GFOD1: variants seen among roughly 807,000 people sequenced by gnomAD.
The protein encoded by GFOD1 is glucose-fructose oxidoreductase domain-containing protein 1.
In GFOD1, 9 loss-of-function variants were observed where a neutral mutation model predicts 25.4. The observed-to-expected ratio is 0.35, with a 90% CI of 0.21 to 0.62. The LOEUF (loss-of-function observed/expected upper bound fraction) is 0.62. Ranked by LOEUF, GFOD1 falls within the 20% of genes least tolerant of loss-of-function variation. The pLI is 0.72. For missense variants in GFOD1, 403 were observed against 556.9 expected (o/e 0.72, Z 2.78); for synonymous variants, 253 against 245.6 (o/e 1.03, Z -0.28).
At chr6:13,470,042 C>A in intron 1 of GFOD1, 1 of 1,374,048 alleles carries the variant, frequency 7.3e-7, no homozygotes, top group Non-Finnish European at 9.7e-7. Context: ...AGAATATTTC[C>A]TTACACATTG....
chr6:13,393,601 C>T (rs1785661242), intron 1 of GFOD1, among the ~76,000 whole-genome samples: 1 of 151,840 alleles, frequency 6.6e-6, no homozygotes. Context: ...CTGGTGATAA[C>T]AAAACTTGCT....
At chr6:13,390,729 A>G (rs2127561039) in intron 1 of GFOD1, among the ~76,000 whole-genome samples, 1 of 143,726 alleles carries the variant, frequency 7.0e-6, no homozygotes. Context: ...GTGAAAAAAA[A>G]AAAAAGAAAG....
intron 1 of GFOD1, among the ~76,000 whole-genome samples, chr6:13,470,888 T>C (rs1758488208): frequency 1.3e-5 from 2 of 152,252 alleles, no homozygotes; most frequent in South Asian, 4.1e-4. Context: ...AGCTGGAACT[T>C]AGCAGTCCCA....
chr6:13,447,320 G>T (rs534480323), intron 1 of GFOD1, among the ~76,000 whole-genome samples: 1 of 152,316 alleles, frequency 6.6e-6, no homozygotes, highest in Admixed American at 6.5e-5. Context: ...CAAGTCAGGT[G>T]CTGGTGCTCT....
At chr6:13,424,091 C>T (rs912443249) in intron 1 of GFOD1, among the ~76,000 whole-genome samples, 2 of 152,200 alleles carry the variant, frequency 1.3e-5, no homozygotes, top group African/African-American at 4.8e-5. Flanking sequence ...CTCCAGACCT[C>T]AGGTGATCCA....
intron 1 of GFOD1, among the ~76,000 whole-genome samples, chr6:13,455,586 C>T (rs1047507488): frequency 6.6e-6 from 1 of 152,170 alleles, no homozygotes; most frequent in African/African-American, 2.4e-5. Flanking sequence ...AACGGTAGCC[C>T]ACCAGACGCC....
At chr6:13,409,286 GAGGAAGGAAGGAAGAAAGGA>G (rs149947769) in intron 1 of GFOD1, among the ~76,000 whole-genome samples, 68,359 of 121,920 alleles carry the variant, frequency 0.56, 24,616 homozygotes, top group Non-Finnish European at 0.74. Context: ...GAGAGACAGA[GAGGAAGGAAGGAAGAAAGGA>G]AGGAAGGAAG....
rs70989855 is a variant in GFOD1, at chr6:13,394,466, A to ATTTTTTTTTTTTT, written c.254-28817_254-28805dup. On this transcript the variant is annotated intron_variant, in intron 1 of 1. Coordinates refer to ENST00000379287, the MANE Select transcript of GFOD1 (RefSeq NM_018988.4). Reference sequence around the variant, plus strand: ...GCATATCTGCTTTTGTACCCTTTGAATTTTTTTTTTTTTTTTTTTTTTTTT... The same window carrying ATTTTTTTTTTTTT: ...GCATATCTGCTTTTGTACCCTTTGAATTTTTTTTTTTTTTTTTTTTTTTTTTTTTTTTTTTTTT... Among the ~76,000 whole-genome samples the ATTTTTTTTTTTTT allele has an allele frequency of 1.2e-4, 9 of 75,924 alleles. 1 individual carries two copies. Among genetic ancestry groups the ATTTTTTTTTTTTT allele is most frequent in the African/African-American group, 4.4e-4 (8 of 18,272 alleles). 49.8% of individuals were successfully genotyped at this position (75,924 alleles called of 152,430 possible).
chr6:13,391,525 A>G (rs1440654828), intron 1 of GFOD1, among the ~76,000 whole-genome samples: 1 of 151,694 alleles, frequency 6.6e-6, no homozygotes, highest in African/African-American at 2.4e-5. Context: ...AAAAAAAAAA[A>G]AAAAAGAAAG....
At chr6:13,383,020 T>C (rs1584616777) in intron 1 of GFOD1, among the ~76,000 whole-genome samples, 1 of 152,244 alleles carries the variant, frequency 6.6e-6, no homozygotes, top group African/African-American at 2.4e-5. Context: ...TATGGCTACA[T>C]AGTATTCGAA....
intron 1 of GFOD1, among the ~76,000 whole-genome samples, chr6:13,446,031 T>C (rs1024660588): frequency 2.6e-5 from 4 of 152,196 alleles, no homozygotes; most frequent in African/African-American, 9.7e-5. Context: ...AAAAAAATGA[T>C]GCTGGCAGGG....
intron 1 of GFOD1, among the ~76,000 whole-genome samples, chr6:13,441,034 A>G (rs1477239999): frequency 1.3e-5 from 2 of 152,234 alleles, no homozygotes; most frequent in East Asian, 1.9e-4. Flanking sequence ...CCATCAGATC[A>G]TCGTGAAGAA....
Position 13,364,821 on chromosome 6 carries a change from C to A in GFOD1, c.1095G>T (p.Met365Ile). 1 of 1,614,042 alleles carries A rather than the reference C, an allele frequency of 6.2e-7. No homozygotes were observed. Among genetic ancestry groups the A allele is most frequent in the South Asian group, 1.1e-5 (1 of 91,070 alleles). Residue 365 changes from methionine to isoleucine, a missense_variant, in exon 2 of 2, where the codon ATG (methionine) becomes ATT (isoleucine). Met to Ile is a conservative substitution (Grantham distance 10). Transcript: ENST00000379287. This position sits in a 1 kb window ranked among gnomAD's most constrained non-coding sequence, Gnocchi z 4.1. ...CGGGGCTCAGCTCCGGCTCCTCGGT[C>A]ATGATGGCAATGTTCTGCCACTCGC... ...QTGEWQNIAI[M>I]TEEPELSPAY...
intron 1 of GFOD1, among the ~76,000 whole-genome samples, chr6:13,461,453 G>A (rs1375234503): frequency 6.6e-6 from 1 of 152,170 alleles, no homozygotes; most frequent in East Asian, 1.9e-4. Context: ...ACCACAGCTG[G>A]GATTCCTCCA....
chr6:13,373,768 A>C (rs1785195197), intron 1 of GFOD1, among the ~76,000 whole-genome samples: 2 of 134,188 alleles, frequency 1.5e-5, no homozygotes, highest in Non-Finnish European at 1.5e-5. Context: ...ACACACACAC[A>C]CACACTACGC....
At chr6:13,413,489 G>T (rs1786113464) in intron 1 of GFOD1, among the ~76,000 whole-genome samples, 1 of 152,206 alleles carries the variant, frequency 6.6e-6, no homozygotes, top group South Asian at 2.1e-4. Context: ...CCTCTCTAAT[G>T]AATGGTCCCC....
At chr6:13,420,450 C>T (rs147477490) in intron 1 of GFOD1, among the ~76,000 whole-genome samples, 6 of 152,308 alleles carry the variant, frequency 3.9e-5, no homozygotes, top group African/African-American at 1.4e-4. Flanking sequence ...TTCCTAGATA[C>T]AGCTAGCTTG....
chr6:13,429,535 C>T (rs1323884557), intron 1 of GFOD1, among the ~76,000 whole-genome samples: 1 of 152,184 alleles, frequency 6.6e-6, no homozygotes, highest in Non-Finnish European at 1.5e-5. Flanking sequence ...AGGAGTACAA[C>T]AGGAACTGCT....
At position 13,358,346 on chromosome 6, in the gene GFOD1, T is replaced by A. The variant is rs1357504074; in HGVS notation, c.*6397A>T. The A allele has an allele frequency of 1.3e-5, 2 of 152,162 alleles. No individual in the cohort carries two copies. Among genetic ancestry groups the A allele is most frequent in the Admixed American group, 6.6e-5 (1 of 15,262 alleles). 9.4% of individuals were successfully genotyped at this position (152,162 alleles called of 1,614,324 possible). ...CATATACATACATATATACTCATGT[T>A]TGTAAAACACAATAAATATATACTC... On this transcript the variant is annotated 3_prime_UTR_variant, in exon 2 of 2. Transcript: ENST00000379287.
Sources: allele counts gnomAD v4.1 joint callset (sites outside exome capture counted in the v4.1 genomes callset), GRCh38; gene constraint gnomAD v4.1.1; non-coding constraint Gnocchi (gnomAD v3.1); transcripts MANE v1.5; gene names NCBI Gene and HGNC (gene_info 2026-07-23, HGNC 2026-07-21).